Variants in DLG2 observed in about 807,000 individuals in gnomAD.
DLG2 encodes disks large homolog 2.
A neutral mutation model predicts 132.5 loss-of-function variants in DLG2; 45 were observed. The observed-to-expected ratio is 0.34, with a 90% CI of 0.27 to 0.44. The LOEUF (loss-of-function observed/expected upper bound fraction) is 0.44. Among genes scored for constraint, DLG2 ranks in the 20% least tolerant of loss-of-function variants. DLG2 has a pLI of 1.00. For synonymous variants in DLG2, 424 were observed against 419.6 expected (o/e 1.01, Z -0.13); for missense variants, 1,045 against 1,196.9 (o/e 0.87, Z 1.87).
intron 21 of DLG2, among the ~76,000 whole-genome samples, chr11:83,516,739 GC>G (rs1482572503): frequency 6.6e-6 from 1 of 152,108 alleles, no homozygotes; most frequent in African/African-American, 2.4e-5. Flanking sequence ...AAATCTCTCA[GC>G]ATTTGCTTGT....
intron 3 of DLG2, among the ~76,000 whole-genome samples, chr11:85,480,882 T>G (rs531276797): frequency 6.6e-6 from 1 of 152,246 alleles, no homozygotes; most frequent in East Asian, 1.9e-4. Context: ...GCAAAAAAAA[T>G]ACCACATGCA....
chr11:84,030,426 G>T (rs1421016049), intron 11 of DLG2, among the ~76,000 whole-genome samples: 1 of 152,102 alleles, frequency 6.6e-6, no homozygotes, highest in Non-Finnish European at 1.5e-5. Context: ...AAGTTGAAAA[G>T]AAGATCTCAA....
chr11:84,600,003 T>A (rs2099571886), intron 6 of DLG2, among the ~76,000 whole-genome samples: 2 of 139,080 alleles, frequency 1.4e-5, no homozygotes, highest in Non-Finnish European at 3.1e-5. Flanking sequence ...GGTAGGAAGA[T>A]CACCTGAGCC....
intron 6 of DLG2, among the ~76,000 whole-genome samples, chr11:84,952,675 G>A (rs1437444079): frequency 2.0e-5 from 3 of 151,672 alleles, no homozygotes; most frequent in Admixed American, 2.0e-4. Context: ...AGTAAATAGT[G>A]AGGGTTGAGA....
intron 6 of DLG2, among the ~76,000 whole-genome samples, chr11:84,944,007 T>C (rs1222243606): frequency 6.6e-6 from 1 of 152,218 alleles, no homozygotes; most frequent in Non-Finnish European, 1.5e-5. Context: ...ATATTTTCAC[T>C]GTATATATTA....
At chr11:85,555,711 T>C (rs1441979972) in intron 3 of DLG2, among the ~76,000 whole-genome samples, 1 of 151,864 alleles carries the variant, frequency 6.6e-6, no homozygotes, top group East Asian at 1.9e-4. Flanking sequence ...TTTCATCTGT[T>C]CCATGGAGTA....
At chr11:85,133,762 CTTA>C (rs1448620015) in intron 5 of DLG2, among the ~76,000 whole-genome samples, 1 of 152,070 alleles carries the variant, frequency 6.6e-6, no homozygotes, top group African/African-American at 2.4e-5. Context: ...TCTGCAGGCA[CTTA>C]TTAAGTGGGC....
At chr11:84,856,744 G>C (rs1288618610) in intron 6 of DLG2, among the ~76,000 whole-genome samples, 1 of 151,954 alleles carries the variant, frequency 6.6e-6, no homozygotes, top group African/African-American at 2.4e-5. Flanking sequence ...AGACTGAGAC[G>C]AAAGTCCCTA....
intron 21 of DLG2, among the ~76,000 whole-genome samples, chr11:83,508,927 T>C (rs778634009): frequency 6.6e-6 from 1 of 152,200 alleles, no homozygotes; most frequent in Non-Finnish European, 1.5e-5. Context: ...CTAAGCAATG[T>C]TGGCTGACGG....
chr11:84,353,734 C>T (rs963321438), intron 7 of DLG2, among the ~76,000 whole-genome samples: 4 of 152,150 alleles, frequency 2.6e-5, no homozygotes, highest in African/African-American at 9.7e-5. Context: ...GTCTTCTTGG[C>T]TCTGTGTTCT....
At chr11:84,005,744 G>A (rs1245417507) in intron 11 of DLG2, among the ~76,000 whole-genome samples, 1 of 151,792 alleles carries the variant, frequency 6.6e-6, no homozygotes, top group Non-Finnish European at 1.5e-5. Context: ...AATCATTAGA[G>A]AAATGCAAAT....
intron 17 of DLG2, among the ~76,000 whole-genome samples, chr11:83,802,758 C>T (rs12799838): frequency 0.72 from 109,157 of 151,946 alleles, 40,599 homozygotes; most frequent in African/African-American, 0.92. Context: ...GAAAAGCAAG[C>T]TGTAGAACTA....
At chr11:83,561,917 T>C (rs1343394996) in intron 19 of DLG2, among the ~76,000 whole-genome samples, 2 of 132,524 alleles carry the variant, frequency 1.5e-5, no homozygotes, top group Non-Finnish European at 3.1e-5. Context: ...TGAGATGGAG[T>C]CTTGCTCTGT....
chr11:84,945,130 G>A (rs2050034797), intron 6 of DLG2, among the ~76,000 whole-genome samples: 1 of 152,138 alleles, frequency 6.6e-6, no homozygotes, highest in Non-Finnish European at 1.5e-5. Context: ...GAAGAGTTAG[G>A]TATTTATTGT....
At chr11:84,237,179 C>T (rs547017688) in intron 8 of DLG2, among the ~76,000 whole-genome samples, 67 of 152,192 alleles carry the variant, frequency 4.4e-4, no homozygotes, top group Non-Finnish European at 8.5e-4. Context: ...TCGCCTGCCT[C>T]GGCCTCCCAA....
chr11:85,090,233 T>C (rs2068545431), intron 6 of DLG2, among the ~76,000 whole-genome samples: 1 of 152,140 alleles, frequency 6.6e-6, no homozygotes, highest in Non-Finnish European at 1.5e-5. Flanking sequence ...ACAAAAACAC[T>C]GTAGAGTGGG....
intron 7 of DLG2, among the ~76,000 whole-genome samples, chr11:84,498,892 G>A (rs897616994): frequency 3.2e-4 from 48 of 152,154 alleles, no homozygotes; most frequent in African/African-American, 1.1e-3. Flanking sequence ...GACTGGGGTT[G>A]GATGCAGGTA....
intron 6 of DLG2, among the ~76,000 whole-genome samples, chr11:84,802,226 A>G (rs1409970006): frequency 1.3e-5 from 2 of 152,112 alleles, no homozygotes; most frequent in East Asian, 3.9e-4. Flanking sequence ...CTGTGTCCAT[A>G]GGGTCCTCAA....
At chr11:84,267,945 GAATT>G (rs1245853024) in intron 7 of DLG2, among the ~76,000 whole-genome samples, 1 of 152,156 alleles carries the variant, frequency 6.6e-6, no homozygotes, top group East Asian at 1.9e-4. Context: ...CTGTGGGCTT[GAATT>G]ATTTAGTGTT....
Sources: allele counts gnomAD v4.1 joint callset (sites outside exome capture counted in the v4.1 genomes callset), GRCh38; gene constraint gnomAD v4.1.1; transcripts MANE v1.5; gene names NCBI Gene and HGNC (gene_info 2026-07-23, HGNC 2026-07-21).